The following LGALS8 variants were observed in gnomAD, a reference collection of about 807,000 sequenced individuals.
LGALS8 encodes galectin 8.
Under a neutral mutation model 35.9 loss-of-function variants are expected in LGALS8, and 30 were observed. The ratio of observed to expected loss-of-function variants is 0.83; its 90% CI spans 0.62 to 1.13. The LOEUF is 1.13. LGALS8 is among the 50% of genes most tolerant of loss of function. The pLI is 0.00. For synonymous variants in LGALS8, 138 were observed against 136.1 expected (o/e 1.01, Z -0.10); for missense variants, 366 against 388.7 (o/e 0.94, Z 0.49).
intron 4 of LGALS8, 61 bp downstream of exon 4, chr1:236,539,150 T>C (rs12744427): frequency 0.64 from 841,686 of 1,306,908 alleles, 276,072 homozygotes; most frequent in Non-Finnish European, 0.68. Context: ...ACAGGGGTGC[T>C]TTTCACATTT....
At chr1:236,545,405 C>T (rs1042130759) in intron 9 of LGALS8, among the ~76,000 whole-genome samples, 1 of 152,108 alleles carries the variant, frequency 6.6e-6, no homozygotes, top group Non-Finnish European at 1.5e-5. Context: ...GTCCTGAGTC[C>T]CCAGATAGGT....
chr1:236,531,905 G>C (rs1248453920), intron 2 of LGALS8, among the ~76,000 whole-genome samples: 3 of 152,096 alleles, frequency 2.0e-5, no homozygotes, highest in African/African-American at 7.2e-5. Flanking sequence ...AGGCACCTGG[G>C]GTGAATTCCA....
upstream of LGALS8, among the ~76,000 whole-genome samples, chr1:236,522,497 T>A (rs1571982718): frequency 6.6e-6 from 1 of 152,296 alleles, no homozygotes; most frequent in South Asian, 2.1e-4. Context: ...TCCCAGCTAC[T>A]CCTGGGGCTG....
chr1:236,537,527 C>T lies in LGALS8; in HGVS notation c.76C>T (p.Gln26Ter), dbSNP rs768404254. 6.2e-6 allele frequency: 10 copies of T among 1,605,282 alleles called. No individual in the cohort carries two copies. The highest frequency in any genetic ancestry group is 6.0e-6 in the Non-Finnish European group (7 of 1,171,696). ...CCCGTTTGTTGGCACCATTCCTGAT[C>T]AGCTGGATCCTGGAACTTTGATTGT... ...VIPFVGTIPDQLDPGTLIVIR... is the reference protein window; with the variant it reads ...VIPFVGTIPD Residue 26 changes from glutamine (Q) to a stop codon, truncating the protein, a stop_gained, in exon 3 of 10, where the codon CAG becomes TAG. Transcript: ENST00000366584. LOFTEE classifies it high-confidence loss of function.
In LGALS8 at chr1:236,550,971, T is replaced by G; in HGVS notation, c.*2810T>G. The G allele has an allele frequency of 6.3e-7, 1 of 1,592,336 alleles. No homozygotes were observed. The highest frequency in any genetic ancestry group is 1.1e-5 in the South Asian group (1 of 88,006). ...GCTGAATAGTCTTTTGGCACTGATG[T>G]TCTACTTCTTCACATTCATCTAAAA... On this transcript the variant is annotated 3_prime_UTR_variant, in exon 10 of 10. Transcript: ENST00000366584.
At position 236,551,765 on chromosome 1, in the gene LGALS8, T is replaced by C. The variant is rs1421075377; in HGVS notation, c.*3604T>C. 1 of 467,880 alleles carries C rather than the reference T, an allele frequency of 2.1e-6. No homozygotes were observed. Among genetic ancestry groups the C allele is most frequent in the Non-Finnish European group, 3.8e-6 (1 of 261,964 alleles). 29.0% of individuals were successfully genotyped at this position (467,880 alleles called of 1,614,324 possible). A position where few individuals can be genotyped will look rare whatever the true frequency, so the allele number is the denominator to read the frequency against. ...AGAAAAGATCGTGAAGATTACACTGTAAACGGACTCTCAAATGATCAGGAG... is the reference window on the plus strand; with the variant it reads ...AGAAAAGATCGTGAAGATTACACTGCAAACGGACTCTCAAATGATCAGGAG... On this transcript the variant is annotated 3_prime_UTR_variant, in exon 10 of 10. Transcript: ENST00000366584.
Position 236,537,570 on chromosome 1 carries a change from C to T in LGALS8, c.119C>T (p.Pro40Leu). 6.2e-7 allele frequency: 1 copy of T among 1,602,020 alleles called. No individual in the cohort carries two copies. Among genetic ancestry groups the T allele is most frequent in the Non-Finnish European group, 8.6e-7 (1 of 1,168,734 alleles). The change falls in exon 3 of 10, where the codon CCT (proline) becomes CTT (leucine). Residue 40 changes from proline (P) to leucine (L), a missense_variant. Pro to Leu is a moderately conservative substitution (Grantham distance 98). Transcript: ENST00000366584. ...GTLIVIRGHVPSDADRFQVDL... is the reference protein window; with the variant it reads ...GTLIVIRGHVLSDADRFQVDL... ...TTGATTGTGATACGTGGGCATGTTC[C>T]TAGTGACGCAGACAGGTAAAATCAC...
chr1:236,543,534 T>G (rs1662157817), intron 7 of LGALS8, 26 bp from the exon 8 acceptor site: 1 of 1,572,014 alleles, frequency 6.4e-7, no homozygotes, highest in South Asian at 1.1e-5. Context: ...GCAGGCCTCT[T>G]GGTCCTGACT....
Position 236,544,760 on chromosome 1 carries a change from G to C in LGALS8, c.649G>C (p.Asp217His). The change falls in exon 9 of 10, where the codon GAC becomes CAC. Residue 217 changes from aspartate (D) to histidine (H), a missense_variant. Asp to His is a moderately conservative substitution (Grantham distance 81, BLOSUM62 -1). Transcript: ENST00000366584. ...TTTCTTTCTCAAAAGCTTTAATGTT[G>C]ACCTACTAGCAGGAAAATCAAAGGA... is the stretch of plus-strand genomic sequence containing the variant. The part of the protein sequence containing the change: ...VNANAKSFNV[D>H]LLAGKSKDIA... 1 of 1,590,796 alleles carries C rather than the reference G, an allele frequency of 6.3e-7. No homozygotes were observed. Among genetic ancestry groups the C allele is most frequent in the Non-Finnish European group, 8.6e-7 (1 of 1,169,028 alleles).
At chr1:236,522,157 G>A (rs1164152555), upstream of LGALS8, among the ~76,000 whole-genome samples, 3 of 152,174 alleles carry the variant, frequency 2.0e-5, no homozygotes, top group African/African-American at 7.2e-5. Context: ...TAAGTTCTTA[G>A]GATTTATGAA....
In LGALS8 at chr1:236,552,145, G is replaced by C; in HGVS notation, c.*3984G>C. The C allele has an allele frequency of 7.4e-7, 1 of 1,342,862 alleles. No homozygotes were observed. The allele number at this position is 1,342,862 out of a possible 1,614,324, so 83.2% of individuals were successfully genotyped here. ...AAAGAGCAAAGAAATAAAAAGTAGTGTTACTGTATTTATTATCTTAAGAGC... is the reference window on the plus strand; with the variant it reads ...AAAGAGCAAAGAAATAAAAAGTAGTCTTACTGTATTTATTATCTTAAGAGC... On this transcript the variant is annotated 3_prime_UTR_variant, in exon 10 of 10. Coordinates refer to ENST00000366584, the MANE Select transcript of LGALS8 (RefSeq NM_201544.4).
At chr1:236,537,044 C>G (rs573231432) in intron 2 of LGALS8, among the ~76,000 whole-genome samples, 3 of 40,502 alleles carry the variant, frequency 7.4e-5, no homozygotes, top group Admixed American at 4.0e-4. Flanking sequence ...TGAGACGGAG[C>G]CTTGCTCTGT....
chr1:236,519,971 T>C (rs1163901421), upstream of LGALS8, among the ~76,000 whole-genome samples: 3 of 150,082 alleles, frequency 2.0e-5, no homozygotes, highest in East Asian at 3.9e-4. Context: ...TTTTTTTTTT[T>C]TTTTAGACAC....
rs1158688181 is a variant in LGALS8, at chr1:236,549,482, A to ATAT, written c.*1326_*1328dup. ...GGAATATTTTCAGAACAGATTTTAG[A>ATAT]TATTATTTCTATCCATATATTGAAA... On this transcript the variant is annotated 3_prime_UTR_variant, in exon 10 of 10. Transcript: ENST00000366584. The ATAT allele has an allele frequency of 2.0e-5, 3 of 152,674 alleles. No homozygotes were observed. The highest frequency in any genetic ancestry group is 2.0e-4 in the Admixed American group (3 of 15,308). The allele number at this position is 152,674 out of a possible 1,614,324, so 9.5% of individuals were successfully genotyped here. A position where few individuals can be genotyped will look rare whatever the true frequency, so the allele number is the denominator to read the frequency against.
At chr1:236,520,798 A>T (rs1371536463), upstream of LGALS8, among the ~76,000 whole-genome samples, 1 of 152,106 alleles carries the variant, frequency 6.6e-6, no homozygotes, top group East Asian at 1.9e-4. Context: ...ATGTCATATC[A>T]TTCTTCCCTC....
chr1:236,542,073 C>A (rs143726638), intron 6 of LGALS8, among the ~76,000 whole-genome samples: 3 of 152,178 alleles, frequency 2.0e-5, no homozygotes, highest in Non-Finnish European at 4.4e-5. Flanking sequence ...TAAAAATGCG[C>A]TGTTATTAAT....
intron 9 of LGALS8, 137 bp downstream of exon 9, chr1:236,545,052 T>G: frequency 1.7e-6 from 1 of 577,846 alleles, no homozygotes; most frequent in Non-Finnish European, 2.8e-6. Context: ...GAGATTGTAA[T>G]TTGCCCCTTT....
At chr1:236,528,767 C>T (rs964119379) in intron 2 of LGALS8, among the ~76,000 whole-genome samples, 8 of 151,660 alleles carry the variant, frequency 5.3e-5, no homozygotes, top group Non-Finnish European at 1.2e-4. Context: ...GCACTCCTCC[C>T]GCCTCGGCCT....
intron 2 of LGALS8, among the ~76,000 whole-genome samples, chr1:236,533,924 C>T (rs1029970383): frequency 3.3e-5 from 5 of 152,098 alleles, no homozygotes; most frequent in Admixed American, 3.3e-4. Context: ...ATGTAGCTCC[C>T]TCTGACCCTG....
Sources: gnomAD v4.1 joint callset for allele counts (sites outside exome capture counted in the v4.1 genomes callset) on GRCh38, gnomAD v4.1.1 for gene constraint, MANE v1.5 for transcripts, NCBI Gene and HGNC (gene_info 2026-07-23, HGNC 2026-07-21) for gene names.